COMMD10: variants seen among roughly 807,000 people sequenced by gnomAD.
COMMD10 encodes COMM domain-containing protein 10.
COMMD10 carries 33 observed loss-of-function variants against 28.9 expected under a neutral mutation model. That is an observed-to-expected ratio of 1.14 (90% CI 0.87 to 1.53). COMMD10 has a LOEUF of 1.53. Among genes scored for constraint, COMMD10 ranks in the 40% most tolerant of loss-of-function variants. COMMD10 has a pLI of 0.00. For missense variants in COMMD10, 310 were observed against 233.4 expected (o/e 1.33, Z -2.14); for synonymous variants, 110 against 81.7 (o/e 1.35, Z -1.87).
At chr5:116,287,224 T>C (rs1361946092) in intron 5 of COMMD10, among the ~76,000 whole-genome samples, 1 of 151,740 alleles carries the variant, frequency 6.6e-6, no homozygotes, top group Admixed American at 6.6e-5. Flanking sequence ...GTGACAACAT[T>C]GAGAACTTAC....
At position 116,090,158 on chromosome 5, in the gene COMMD10, C is replaced by G. The variant is rs139610786; in HGVS notation, c.133-921C>G. ...GAATCAATATGAGGGACTAAGACAA[C>G]TTAGGTATAGAATGTGGGCATGCCA... On this transcript the variant is annotated intron_variant, in intron 2 of 6. Transcript: ENST00000274458. Among the ~76,000 whole-genome samples, 306 of 152,168 alleles carry G rather than the reference C, an allele frequency of 2.0e-3. 2 individuals carry two copies. The highest frequency in any genetic ancestry group is 7.0e-3 in the African/African-American group (291 of 41,482).
At chr5:116,095,744 A>T (rs749329189) in intron 4 of COMMD10, among the ~76,000 whole-genome samples, 1 of 151,996 alleles carries the variant, frequency 6.6e-6, no homozygotes, top group African/African-American at 2.4e-5. Context: ...AATGTTTTAC[A>T]TATTTATATT....
chr5:116,284,605 C>T (rs1358498733), intron 5 of COMMD10, among the ~76,000 whole-genome samples: 2 of 151,850 alleles, frequency 1.3e-5, no homozygotes, highest in South Asian at 2.1e-4. Context: ...GCAGGAAGCA[C>T]ATGGATAATT....
At chr5:116,113,210 T>G (rs1039636712) in intron 4 of COMMD10, among the ~76,000 whole-genome samples, 2 of 152,146 alleles carry the variant, frequency 1.3e-5, no homozygotes, top group African/African-American at 4.8e-5. Flanking sequence ...CTTTCCTTTA[T>G]AGATGACACT....
chr5:116,133,735 T>TA (rs1351573108), intron 4 of COMMD10, among the ~76,000 whole-genome samples: 1 of 152,204 alleles, frequency 6.6e-6, no homozygotes, highest in Non-Finnish European at 1.5e-5. Flanking sequence ...TTTTAAAAAA[T>TA]ACTATTTTAA....
rs530310811 is a variant in COMMD10, at chr5:116,244,032, TAC to T, written c.511-47475_511-47474del. 2.6e-3 allele frequency among the ~76,000 whole-genome samples: 395 copies of T among 152,202 alleles called. 1 individual carries two copies. Among genetic ancestry groups the T allele is most frequent in the Non-Finnish European group, 4.5e-3 (303 of 67,966 alleles). ...AAGCTGTTTCTACTAAAGATGTCTATACACACACACATATTATATATCTATAT... is the reference window on the plus strand; with the variant it reads ...AAGCTGTTTCTACTAAAGATGTCTATACACACACATATTATATATCTATAT... On this transcript the variant is annotated intron_variant, in intron 5 of 6. Coordinates refer to ENST00000274458, the MANE Select transcript of COMMD10 (RefSeq NM_016144.4).
In COMMD10 at chr5:116,292,636, C is replaced by A; in HGVS notation, c.*147C>A. The A allele has an allele frequency of 1.9e-6, 1 of 519,300 alleles. No individual in the cohort carries two copies. The highest frequency in any genetic ancestry group is 3.4e-6 in the Non-Finnish European group (1 of 298,464). The allele number at this position is 519,300 out of a possible 1,614,324, so 32.2% of individuals were successfully genotyped here. ...TTATCACTTCTTAGACAAATAACAA[C>A]CAATAGAGATCATTGTTAAGAATAC... On this transcript the variant is annotated 3_prime_UTR_variant, in exon 7 of 7. Transcript: ENST00000274458.
chr5:116,101,759 A>G (rs1750673662), intron 4 of COMMD10, among the ~76,000 whole-genome samples: 1 of 152,222 alleles, frequency 6.6e-6, no homozygotes, highest in Admixed American at 6.5e-5. Flanking sequence ...TGACTAGGGT[A>G]AGATGATAGC....
At chr5:116,174,670 G>A (rs904049103) in intron 5 of COMMD10, among the ~76,000 whole-genome samples, 7 of 152,106 alleles carry the variant, frequency 4.6e-5, no homozygotes, top group Admixed American at 3.3e-4. Context: ...GTGAGATAAA[G>A]TGAGTCATTA....
At chr5:116,217,110 C>T (rs35201618) in intron 5 of COMMD10, among the ~76,000 whole-genome samples, 11,792 of 150,752 alleles carry the variant, frequency 0.078, 592 homozygotes, top group Non-Finnish European at 0.12. Flanking sequence ...TAATAAATGA[C>T]CTTAGGGAAG....
At chr5:116,182,293 G>A (rs1177102156) in intron 5 of COMMD10, among the ~76,000 whole-genome samples, 1 of 145,790 alleles carries the variant, frequency 6.9e-6, no homozygotes, top group Non-Finnish European at 1.5e-5. Flanking sequence ...TAAGATTATG[G>A]ATGGAAGGCA....
chr5:116,280,834 A>G (rs12522027), intron 5 of COMMD10, among the ~76,000 whole-genome samples: 11,171 of 151,928 alleles, frequency 0.074, 524 homozygotes, highest in Admixed American at 0.13. Context: ...ATATATCTGT[A>G]GACATATTTA....
intron 3 of COMMD10, 35 bp from the exon 4 acceptor site, chr5:116,092,510 A>G: frequency 2.0e-6 from 3 of 1,484,748 alleles, no homozygotes; most frequent in Non-Finnish European, 2.7e-6. Flanking sequence ...TATGAAGATG[A>G]GGGACATATG....
At chr5:116,107,584 T>G (rs1338588667) in intron 4 of COMMD10, among the ~76,000 whole-genome samples, 1 of 152,212 alleles carries the variant, frequency 6.6e-6, no homozygotes, top group African/African-American at 2.4e-5. Flanking sequence ...TTGTTTTACC[T>G]TTTTTTCAAG....
chr5:116,266,045 A>G (rs573182195), intron 5 of COMMD10, among the ~76,000 whole-genome samples: 2 of 151,680 alleles, frequency 1.3e-5, no homozygotes, highest in South Asian at 4.1e-4. Flanking sequence ...TTCTTTTGGG[A>G]GGTGGGGAAG....
At chr5:116,134,972 A>G (rs963345934) in intron 5 of COMMD10, among the ~76,000 whole-genome samples, 1 of 152,108 alleles carries the variant, frequency 6.6e-6, no homozygotes, top group Non-Finnish European at 1.5e-5. Flanking sequence ...TTTCAGAACA[A>G]CTTGAACGTG....
chr5:116,144,372 C>G (rs1323102194), intron 5 of COMMD10, among the ~76,000 whole-genome samples: 2 of 151,756 alleles, frequency 1.3e-5, no homozygotes, highest in African/African-American at 2.4e-5. Flanking sequence ...GATAATAATT[C>G]TCACAGCCAT....
At chr5:116,163,817 T>A (rs942614705) in intron 5 of COMMD10, among the ~76,000 whole-genome samples, 2 of 152,216 alleles carry the variant, frequency 1.3e-5, no homozygotes, top group Non-Finnish European at 2.9e-5. Flanking sequence ...TATATGTCTT[T>A]TTTAATTTTT....
intron 5 of COMMD10, among the ~76,000 whole-genome samples, chr5:116,257,604 A>G (rs1306879700): frequency 6.6e-6 from 1 of 151,702 alleles, no homozygotes; most frequent in African/African-American, 2.4e-5. Flanking sequence ...AATTTTTCTT[A>G]GCAGGGGGCC....
Sources: gnomAD v4.1 joint callset for allele counts (sites outside exome capture counted in the v4.1 genomes callset) on GRCh38, gnomAD v4.1.1 for gene constraint, MANE v1.5 for transcripts, NCBI Gene and HGNC (gene_info 2026-07-23, HGNC 2026-07-21) for gene names.